CDKN2B-AS1: variants seen among roughly 807,000 people sequenced by gnomAD.
The protein encoded by CDKN2B-AS1 is CDKN2B antisense RNA 1 (non-protein coding).
intron 3 of CDKN2B-AS1, among the ~76,000 whole-genome samples, chr9:22,054,214 T>G (rs1446948120): frequency 6.6e-6 from 1 of 152,176 alleles, no homozygotes; most frequent in Non-Finnish European, 1.5e-5. Flanking sequence ...AGAAGTGAAG[T>G]TAAGTAACTT....
chr9:22,053,278 C>T (rs962042484), intron 3 of CDKN2B-AS1, among the ~76,000 whole-genome samples: 29 of 152,126 alleles, frequency 1.9e-4, no homozygotes, highest in African/African-American at 7.0e-4. Context: ...TCTAGAAAGA[C>T]CTGGGCTTTT....
At chr9:22,018,951 A>G (rs543198925) in intron 1 of CDKN2B-AS1, among the ~76,000 whole-genome samples, 3 of 152,358 alleles carry the variant, frequency 2.0e-5, no homozygotes, top group South Asian at 4.1e-4. Flanking sequence ...GGTTGAGGGA[A>G]TCAAGAGATA....
At chr9:22,032,852 A>G (rs950554839) in intron 1 of CDKN2B-AS1, 5 of 151,466 alleles carry the variant, frequency 3.3e-5, no homozygotes. Context: ...TAGGCCACAG[A>G]CTGTGGCCCT....
At chr9:22,106,696 A>G (rs955392862) in intron 4 of CDKN2B-AS1, among the ~76,000 whole-genome samples, 3 of 152,266 alleles carry the variant, frequency 2.0e-5, no homozygotes, top group Non-Finnish European at 4.4e-5. Flanking sequence ...AGTGAGGTAC[A>G]TAACTGGGGA....
intron 4 of CDKN2B-AS1, among the ~76,000 whole-genome samples, chr9:22,104,091 C>CA (rs1361127450): frequency 6.6e-6 from 1 of 152,068 alleles, no homozygotes; most frequent in East Asian, 1.9e-4. Flanking sequence ...GCAGATATTA[C>CA]TAGGGAAATA....
intron 1 of CDKN2B-AS1, among the ~76,000 whole-genome samples, chr9:22,026,695 G>C (rs1224893950): frequency 6.6e-6 from 1 of 152,186 alleles, no homozygotes; most frequent in East Asian, 1.9e-4. Context: ...GGTATGTTTG[G>C]GGGTCTAACC....
intron 4 of CDKN2B-AS1, among the ~76,000 whole-genome samples, chr9:22,080,838 T>G (rs73650042): frequency 0.021 from 3,257 of 152,258 alleles, 114 homozygotes; most frequent in African/African-American, 0.073. Flanking sequence ...AATAGGAGGG[T>G]GGGCTGAGCC....
chr9:22,031,583 A>G (rs1050305472), intron 1 of CDKN2B-AS1, among the ~76,000 whole-genome samples: 1 of 152,182 alleles, frequency 6.6e-6, no homozygotes, highest in Non-Finnish European at 1.5e-5. Flanking sequence ...AATTTTTTGT[A>G]TTTAGACCTG....
intron 1 of CDKN2B-AS1, among the ~76,000 whole-genome samples, chr9:22,013,793 T>C (rs902355956): frequency 6.6e-6 from 1 of 151,674 alleles, no homozygotes; most frequent in African/African-American, 2.4e-5. Flanking sequence ...TTTTGCCTTC[T>C]TTTTTTTTCT....
chr9:22,126,574 C>CTTTTTT lies in CDKN2B-AS1; in HGVS notation n.439-513_439-508dup, dbSNP rs34700018. Among the ~76,000 whole-genome samples the CTTTTTT allele has an allele frequency of 1.4e-3, 143 of 104,874 alleles. 8 individuals are homozygous for CTTTTTT. Among genetic ancestry groups the CTTTTTT allele is most frequent in the African/African-American group, 4.8e-3 (122 of 25,256 alleles). The allele number at this position is 104,874 out of a possible 152,430, so 68.8% of individuals were successfully genotyped here. On this transcript the variant is annotated intron_variant and non_coding_transcript_variant, in intron 4 of 4. Coordinates refer to ENST00000650946, the Ensembl canonical transcript of CDKN2B-AS1. ...TGAATGGGGATGGAGTAAGTGGATT[C>CTTTTTT]TTTTTTTTTTTTTTTTTTTTTGAGA...
At chr9:22,050,898 C>T (rs974408118) in intron 3 of CDKN2B-AS1, among the ~76,000 whole-genome samples, 2 of 152,146 alleles carry the variant, frequency 1.3e-5, no homozygotes, top group African/African-American at 4.8e-5. Flanking sequence ...AGAGTCTGAT[C>T]AGCTCTGACA....
At chr9:22,085,278 C>A (rs1465830669) in intron 4 of CDKN2B-AS1, among the ~76,000 whole-genome samples, 2 of 152,208 alleles carry the variant, frequency 1.3e-5, no homozygotes, top group East Asian at 1.9e-4. Context: ...TCTCACCTAA[C>A]TGGGAAAAAG....
At chr9:22,038,611 A>C (rs1395094871) in intron 1 of CDKN2B-AS1, among the ~76,000 whole-genome samples, 2 of 152,034 alleles carry the variant, frequency 1.3e-5, no homozygotes, top group Non-Finnish European at 2.9e-5. Flanking sequence ...TTTTGTACTA[A>C]TTCAGTCCTT....
chr9:22,088,287 T>C (rs549696783), intron 4 of CDKN2B-AS1, among the ~76,000 whole-genome samples: 2 of 152,312 alleles, frequency 1.3e-5, no homozygotes, highest in East Asian at 1.9e-4. Flanking sequence ...TTATTATACT[T>C]GATATTGAAG....
At position 22,039,915 on chromosome 9, in the gene CDKN2B-AS1, T is replaced by A. The variant is rs1822832556; in HGVS notation, n.30-6836T>A. 6.6e-6 allele frequency among the ~76,000 whole-genome samples: 1 copy of A among 152,014 alleles called. No individual in the cohort carries two copies. The highest frequency in any genetic ancestry group is 2.1e-4 in the South Asian group (1 of 4,826). ...GCGATCTTACTGACATAGGAGAAGC[T>A]CCTAATCATGGTGTCCTTATAAAAA... On this transcript the variant is annotated intron_variant and non_coding_transcript_variant, in intron 1 of 4. Transcript: ENST00000650946. The surrounding 1 kb of genome is among the most constrained non-coding windows in gnomAD (Gnocchi z 4.4).
intron 4 of CDKN2B-AS1, among the ~76,000 whole-genome samples, chr9:22,089,293 C>T (rs1824979472): frequency 1.3e-5 from 2 of 152,080 alleles, no homozygotes; most frequent in Admixed American, 6.5e-5. Context: ...ATGTTGAAGA[C>T]AAAATCTTGA....
chr9:22,073,455 A>G (rs1824375976), intron 4 of CDKN2B-AS1, among the ~76,000 whole-genome samples: 1 of 152,206 alleles, frequency 6.6e-6, no homozygotes, highest in Non-Finnish European at 1.5e-5. Flanking sequence ...TATTTAATAT[A>G]CACCACCTCA....
chr9:22,085,870 T>C (rs1423601291), intron 4 of CDKN2B-AS1, among the ~76,000 whole-genome samples: 6 of 151,840 alleles, frequency 4.0e-5, no homozygotes, highest in African/African-American at 7.3e-5. Flanking sequence ...CTGGATTAGG[T>C]TTTGACTTGT....
At chr9:22,008,381 T>A (rs1213974755) in intron 1 of CDKN2B-AS1, among the ~76,000 whole-genome samples, 1 of 152,234 alleles carries the variant, frequency 6.6e-6, no homozygotes, top group Admixed American at 6.5e-5. Context: ...CTTAGAAGTT[T>A]ACATTGATTT....
Sources: allele counts gnomAD v4.1 joint callset (sites outside exome capture counted in the v4.1 genomes callset), GRCh38; gene constraint gnomAD v4.1.1; non-coding constraint Gnocchi (gnomAD v3.1); transcripts MANE v1.5; gene names NCBI Gene and HGNC (gene_info 2026-07-23, HGNC 2026-07-21).